The following ACADSB variants were observed in gnomAD, a reference collection of about 807,000 sequenced individuals.
ACADSB encodes the protein short/branched chain specific acyl-CoA dehydrogenase, mitochondrial.
In ACADSB, 40 loss-of-function variants were observed where a neutral mutation model predicts 54.1. The ratio of observed to expected loss-of-function variants is 0.74; its 90% CI spans 0.57 to 0.96. ACADSB has a LOEUF of 0.96. Ranked by LOEUF, ACADSB falls within the 40% of genes least tolerant of loss-of-function variation. The pLI, the probability that ACADSB is intolerant of heterozygous loss-of-function variation, is 0.00. For missense variants in ACADSB, 530 were observed against 510.4 expected (o/e 1.04, Z -0.37); for synonymous variants, 182 against 182.8 (o/e 1.00, Z 0.03).
In ACADSB at chr10:123,052,839, G is replaced by C. The variant is rs1007887764; in HGVS notation, c.1129-222G>C. On this transcript the variant is annotated intron_variant, in intron 9 of 10. Transcript: ENST00000358776. The surrounding 1 kb of genome is among the most constrained non-coding windows in gnomAD (Gnocchi z 4.2). Reference sequence around the variant, plus strand: ...CAGCATGCAGATTCATGTGAACAATGCTCTAATTTCTTAAGAAAATGGGGA... The same window carrying C: ...CAGCATGCAGATTCATGTGAACAATCCTCTAATTTCTTAAGAAAATGGGGA... 1.7e-6 allele frequency: 1 copy of C among 581,212 alleles called. No individual in the cohort carries two copies. Among genetic ancestry groups the C allele is most frequent in the African/African-American group, 1.9e-5 (1 of 53,842 alleles). The allele number at this position is 581,212 out of a possible 1,614,324, so 36.0% of individuals were successfully genotyped here.
At chr10:123,018,253 A>G (rs1207876348) in intron 1 of ACADSB, among the ~76,000 whole-genome samples, 1 of 152,100 alleles carries the variant, frequency 6.6e-6, no homozygotes, top group Non-Finnish European at 1.5e-5. Flanking sequence ...GTCTGGTTTC[A>G]TTTTTGTCCA....
intron 5 of ACADSB, among the ~76,000 whole-genome samples, chr10:123,042,456 A>AG (rs1850487601): frequency 8.4e-6 from 1 of 118,962 alleles, no homozygotes; most frequent in African/African-American, 3.3e-5. Flanking sequence ...AATTGTTAAA[A>AG]CTTTTTTTTT....
In ACADSB at chr10:123,057,244, A is replaced by C. The variant is rs1850720386; in HGVS notation, c.*3479A>C. On this transcript the variant is annotated 3_prime_UTR_variant, in exon 11 of 11. Coordinates refer to ENST00000358776, the MANE Select transcript of ACADSB (RefSeq NM_001609.4). Reference sequence around the variant, plus strand: ...CAGAGAGCTTCCCATTTGCATCTAGACCTTGAATTTATATTTATTGATCAA... The same window carrying C: ...CAGAGAGCTTCCCATTTGCATCTAGCCCTTGAATTTATATTTATTGATCAA... 6.6e-6 allele frequency: 1 copy of C among 152,202 alleles called. No individual in the cohort carries two copies. Among genetic ancestry groups the C allele is most frequent in the Non-Finnish European group, 1.5e-5 (1 of 68,032 alleles). The allele number at this position is 152,202 out of a possible 1,614,324, so 9.4% of individuals were successfully genotyped here.
At chr10:123,013,687 C>T (rs897423619) in intron 1 of ACADSB, among the ~76,000 whole-genome samples, 24 of 152,222 alleles carry the variant, frequency 1.6e-4, no homozygotes, top group African/African-American at 2.2e-4. Context: ...AAATCGAGCG[C>T]GGCGCCGGTG....
chr10:123,034,661 T>C, intron 2 of ACADSB, 146 bp downstream of exon 2: 2 of 846,020 alleles, frequency 2.4e-6, no homozygotes, highest in Middle Eastern at 3.3e-4. Flanking sequence ...TATCACCTTA[T>C]TATTCCTCTG....
intron 1 of ACADSB, among the ~76,000 whole-genome samples, chr10:123,030,532 A>G (rs1424068607): frequency 1.3e-5 from 2 of 151,548 alleles, no homozygotes; most frequent in Non-Finnish European, 1.5e-5. Flanking sequence ...GTCTCAAAAA[A>G]AAAAAAAAAA....
rs1468551046 is a variant in ACADSB at position 123,044,385 on chromosome 10, A to G, written c.808-8A>G. The G allele has an allele frequency of 6.3e-7, 1 of 1,598,246 alleles. No individual in the cohort carries two copies. The highest frequency in any genetic ancestry group is 8.6e-7 in the Non-Finnish European group (1 of 1,165,790). ...AACTGAGAAATAAGTGCACATTTGTATTTTCAGGTTCCAGAAGCCAATATC... is the reference window on the plus strand; with the variant it reads ...AACTGAGAAATAAGTGCACATTTGTGTTTTCAGGTTCCAGAAGCCAATATC... On this transcript the variant is annotated splice_polypyrimidine_tract_variant and splice_region_variant and intron_variant, in intron 6 of 10. Transcript: ENST00000358776.
chr10:123,025,128 A>G (rs1246654349), intron 1 of ACADSB, among the ~76,000 whole-genome samples: 2 of 152,210 alleles, frequency 1.3e-5, no homozygotes, highest in Non-Finnish European at 2.9e-5. Context: ...ATGTTAAACC[A>G]GATCACCCTG....
chr10:123,041,994 C>G (rs11248368), intron 5 of ACADSB, among the ~76,000 whole-genome samples: 64,541 of 145,498 alleles, frequency 0.44, 14,459 homozygotes, highest in East Asian at 0.58. Flanking sequence ...AATATGGAGT[C>G]TCGCTGTATC....
At position 123,057,362 on chromosome 10, in the gene ACADSB, G is replaced by T. The variant is rs755235760; in HGVS notation, c.*3597G>T. ...TTAATATATGCACCTACCTTCTTCC[G>T]TTAGTGCATCAGTAAATGTGTTATT... is the stretch of plus-strand genomic sequence containing the variant. On this transcript the variant is annotated 3_prime_UTR_variant, in exon 11 of 11. Transcript: ENST00000358776. 6.6e-6 allele frequency: 1 copy of T among 152,112 alleles called. No individual in the cohort carries two copies. Among genetic ancestry groups the T allele is most frequent in the Non-Finnish European group, 1.5e-5 (1 of 68,032 alleles). 9.4% of individuals were successfully genotyped at this position (152,112 alleles called of 1,614,324 possible).
chr10:123,009,584 T>C (rs946967686), intron 1 of ACADSB, among the ~76,000 whole-genome samples: 2 of 152,118 alleles, frequency 1.3e-5, no homozygotes, highest in African/African-American at 2.4e-5. Context: ...GACTTCGGAG[T>C]TGTTCGGGCT....
At position 123,044,274 on chromosome 10, in the gene ACADSB, G is replaced by A. The variant is rs138576943; in HGVS notation, c.808-119G>A. ...CAGCGTAGAGGGAGACACAGATGCC[G>A]GCAAGTTCTGTGAGAGGGCTAGCAC... On this transcript the variant is annotated intron_variant, in intron 6 of 10. Coordinates refer to ENST00000358776, the MANE Select transcript of ACADSB (RefSeq NM_001609.4). 3.4e-4 allele frequency: 290 copies of A among 852,322 alleles called. No homozygotes were observed. The East Asian group carries it at 6.4e-3, about 19-fold the overall frequency. 52.8% of individuals were successfully genotyped at this position (852,322 alleles called of 1,614,324 possible).
At chr10:123,053,572 G>C in intron 10 of ACADSB, 123 bp from the exon 11 acceptor site, 1 of 839,342 alleles carries the variant, frequency 1.2e-6, no homozygotes, top group Non-Finnish European at 2.1e-6. Flanking sequence ...ATATTCAGGG[G>C]ACATGAAGTG....
intron 1 of ACADSB, among the ~76,000 whole-genome samples, chr10:123,013,855 C>A (rs759365623): frequency 6.6e-6 from 1 of 152,208 alleles, no homozygotes; most frequent in African/African-American, 2.4e-5. Flanking sequence ...ACAAGCGCCA[C>A]GCAGCCCTGG....
intron 5 of ACADSB, among the ~76,000 whole-genome samples, chr10:123,042,736 C>T (rs1850492089): frequency 6.6e-6 from 1 of 152,048 alleles, no homozygotes; most frequent in East Asian, 1.9e-4. Flanking sequence ...GCATGAGCCA[C>T]CGCACCTGGC....
At chr10:123,043,318 T>G (rs1218665063) in intron 6 of ACADSB, 147 bp downstream of exon 6, 1 of 1,034,658 alleles carries the variant, frequency 9.7e-7, no homozygotes, top group Non-Finnish European at 1.5e-6. Flanking sequence ...ACAGCGCTCT[T>G]TAGTCATGAC....
At chr10:123,027,699 A>G (rs760680614) in intron 1 of ACADSB, 6 of 334,960 alleles carry the variant, frequency 1.8e-5, no homozygotes, top group Non-Finnish European at 3.1e-5. Context: ...TTGTTCCCAT[A>G]CAACGGGTGT....
intron 4 of ACADSB, 81 bp from the exon 5 acceptor site, chr10:123,041,128 A>G: frequency 7.0e-7 from 1 of 1,429,134 alleles, no homozygotes; most frequent in South Asian, 1.2e-5. Context: ...TGATTTACAA[A>G]TGTCCATTTT....
Position 123,053,051 on chromosome 10 carries a change from C to CTT in ACADSB, c.1129-7_1129-6dup. 1 of 1,610,830 alleles carries CTT rather than the reference C, an allele frequency of 6.2e-7. No individual in the cohort carries two copies. Among genetic ancestry groups the CTT allele is most frequent in the Non-Finnish European group, 8.5e-7 (1 of 1,177,176 alleles). ...GGTTTCAGTGTGTGATTTGCACTTG[C>CTT]TTTTGGTAGATTGCAGGACAAACAA... On this transcript the variant is annotated splice_polypyrimidine_tract_variant and intron_variant, in intron 9 of 10. Coordinates refer to ENST00000358776, the MANE Select transcript of ACADSB (RefSeq NM_001609.4).
Sources: allele counts gnomAD v4.1 joint callset (sites outside exome capture counted in the v4.1 genomes callset), GRCh38; gene constraint gnomAD v4.1.1; non-coding constraint Gnocchi (gnomAD v3.1); transcripts MANE v1.5; gene names NCBI Gene and HGNC (gene_info 2026-07-23, HGNC 2026-07-21).